The following CNTN6 variants were observed in gnomAD, a reference collection of about 807,000 sequenced individuals.
CNTN6 encodes the protein contactin-6.
Under a neutral mutation model 122.8 loss-of-function variants are expected in CNTN6, and 137 were observed. The ratio of observed to expected loss-of-function variants is 1.12; its 90% CI spans 0.97 to 1.29. The LOEUF (loss-of-function observed/expected upper bound fraction) is 1.29, where lower values mean the gene tolerates loss of function less well. CNTN6 is among the 50% of genes most tolerant of loss of function. The pLI is 0.00. For missense variants in CNTN6, 1,634 were observed against 1,223.4 expected (o/e 1.34, Z -5.01); for synonymous variants, 570 against 426.0 (o/e 1.34, Z -4.16).
chr3:1,153,400 T>G (rs2092892289), intron 2 of CNTN6, among the ~76,000 whole-genome samples: 1 of 151,540 alleles, frequency 6.6e-6, no homozygotes, highest in Non-Finnish European at 1.5e-5. Context: ...AATAAGTCTT[T>G]GCAGCCATCA....
At position 1,256,363 on chromosome 3, in the gene CNTN6, C is replaced by A. The variant is rs954418154; in HGVS notation, c.359-22050C>A. 2.6e-5 allele frequency among the ~76,000 whole-genome samples: 4 copies of A among 152,020 alleles called. No homozygotes were observed. The South Asian group carries it at 8.3e-4, about 32-fold the overall frequency. The stretch of plus-strand genomic sequence containing the variant: ...TGATTGAGAAATTTTGGATGTTAAA[C>A]CAATAATATTTGCTATGAGGTGGGA... On this transcript the variant is annotated intron_variant, in intron 4 of 22. Coordinates refer to ENST00000446702, the MANE Select transcript of CNTN6 (RefSeq NM_001289080.2).
At chr3:1,116,504 A>C (rs573520101) in intron 1 of CNTN6, among the ~76,000 whole-genome samples, 2 of 152,276 alleles carry the variant, frequency 1.3e-5, no homozygotes, top group African/African-American at 4.8e-5. Flanking sequence ...TGAAAATGTG[A>C]TCATACTATT....
intron 12 of CNTN6, among the ~76,000 whole-genome samples, chr3:1,358,461 T>G (rs1305982195): frequency 2.0e-5 from 3 of 150,084 alleles, no homozygotes; most frequent in Non-Finnish European, 4.4e-5. Flanking sequence ...TAGGGCCATT[T>G]TTTTTTTTTT....
At chr3:1,158,852 A>ATG (rs1559422274) in intron 2 of CNTN6, among the ~76,000 whole-genome samples, 57 of 29,844 alleles carry the variant, frequency 1.9e-3, no homozygotes, top group African/African-American at 3.4e-3. Context: ...ATATATACAT[A>ATG]CATATATATA....
In CNTN6 at chr3:1,245,599, GA is replaced by G; in HGVS notation, c.358+17607del. Among the ~76,000 whole-genome samples, 3 of 151,006 alleles carry G rather than the reference GA, an allele frequency of 2.0e-5. No individual in the cohort carries two copies. In the South Asian group the frequency reaches 6.3e-4, roughly 32 times the overall value. ...TGGGTACAGTGTACGTGGCTCAGGT[GA>G]CGGGTACGCCAAAATCTCAGAAATC... is the stretch of plus-strand genomic sequence containing the variant. On this transcript the variant is annotated intron_variant, in intron 4 of 22. Coordinates refer to ENST00000446702, the MANE Select transcript of CNTN6 (RefSeq NM_001289080.2).
chr3:1,373,696 C>A lies in CNTN6; in HGVS notation c.1879C>A (p.Pro627Thr). The change falls in exon 15 of 23, where the codon CCC becomes ACC. Residue 627 changes from proline to threonine, a missense_variant. Transcript: ENST00000446702. The stretch of plus-strand genomic sequence containing the variant: ...GAGAGCAGGCCCAGATAATAACAGT[C>A]CCATTCAAATATTTACTATTCAGAC... The part of the protein sequence containing the change: ...SWRAGPDNNS[P>T]IQIFTIQTRT... The A allele has an allele frequency of 6.2e-7, 1 of 1,613,010 alleles. No individual in the cohort carries two copies. Among genetic ancestry groups the A allele is most frequent in the Non-Finnish European group, 8.5e-7 (1 of 1,179,338 alleles).
rs567042102 is a variant in CNTN6 at position 1,218,268 on chromosome 3, G to A, written c.56-2419G>A. On this transcript the variant is annotated intron_variant, in intron 2 of 22. Coordinates refer to ENST00000446702, the MANE Select transcript of CNTN6 (RefSeq NM_001289080.2). ...TTAGGGGAGGGTGTTGAAGGCAGAA[G>A]CCTGGAGTCTGGTGTTGGAGCCAAG... Among the ~76,000 whole-genome samples the A allele has an allele frequency of 2.0e-5, 3 of 152,244 alleles. No homozygotes were observed. The South Asian group carries it at 6.2e-4, about 32-fold the overall frequency.
chr3:1,154,430 T>TTTTCA (rs1284698960), intron 2 of CNTN6, among the ~76,000 whole-genome samples: 7 of 144,102 alleles, frequency 4.9e-5, no homozygotes, highest in African/African-American at 5.6e-5. Context: ...TTCATAATAT[T>TTTTCA]TTTCTTTTCT....
intron 2 of CNTN6, among the ~76,000 whole-genome samples, chr3:1,149,016 T>C (rs1055963938): frequency 3.3e-5 from 5 of 152,172 alleles, no homozygotes; most frequent in Admixed American, 1.3e-4. Context: ...TGTGAGTTAT[T>C]TTGACAATTA....
chr3:1,153,128 T>C (rs1207182728), intron 2 of CNTN6, among the ~76,000 whole-genome samples: 1 of 152,226 alleles, frequency 6.6e-6, no homozygotes, highest in Non-Finnish European at 1.5e-5. Context: ...CTTTTATATG[T>C]ATTTTATGAA....
chr3:1,377,549 C>T (rs1016175882), intron 17 of CNTN6, among the ~76,000 whole-genome samples: 1 of 152,278 alleles, frequency 6.6e-6, no homozygotes, highest in African/African-American at 2.4e-5. Context: ...TACCCATTAA[C>T]ATACAGGCTC....
chr3:1,350,464 C>T (rs556927521), intron 11 of CNTN6, among the ~76,000 whole-genome samples: 2 of 151,800 alleles, frequency 1.3e-5, no homozygotes, highest in Non-Finnish European at 2.9e-5. Context: ...TCTTAGTTTG[C>T]TCTCTCAGTA....
chr3:1,357,349 G>A (rs983254234), intron 12 of CNTN6, among the ~76,000 whole-genome samples: 4 of 151,788 alleles, frequency 2.6e-5, no homozygotes, highest in African/African-American at 9.7e-5. Context: ...ACTAACTAAC[G>A]TGGAACTTGA....
intron 7 of CNTN6, 29 bp downstream of exon 7, chr3:1,298,020 C>T: frequency 7.1e-7 from 1 of 1,406,832 alleles, no homozygotes; most frequent in African/African-American, 1.6e-5. Flanking sequence ...TTTTTGTTTT[C>T]CTGGTTGCAT....
At chr3:1,358,132 C>G (rs1319335001) in intron 12 of CNTN6, among the ~76,000 whole-genome samples, 1 of 151,756 alleles carries the variant, frequency 6.6e-6, no homozygotes, top group Non-Finnish European at 1.5e-5. Flanking sequence ...GTCATTCATA[C>G]AGTATAAACC....
intron 2 of CNTN6, among the ~76,000 whole-genome samples, chr3:1,170,397 A>C (rs1482091853): frequency 6.6e-6 from 1 of 152,152 alleles, no homozygotes; most frequent in Non-Finnish European, 1.5e-5. Context: ...ACGTAAGCTA[A>C]AGACCCACAG....
At chr3:1,151,983 T>TA (rs1441917537) in intron 2 of CNTN6, among the ~76,000 whole-genome samples, 1 of 152,032 alleles carries the variant, frequency 6.6e-6, no homozygotes, top group Non-Finnish European at 1.5e-5. Context: ...CTACATTTCT[T>TA]AAAGTAGAAA....
chr3:1,170,804 A>T (rs1251404892), intron 2 of CNTN6, among the ~76,000 whole-genome samples: 1 of 152,144 alleles, frequency 6.6e-6, no homozygotes, highest in East Asian at 1.9e-4. Flanking sequence ...CTGGGTACCA[A>T]TCCCATCTCT....
At chr3:1,306,021 T>C (rs1309828309) in intron 7 of CNTN6, among the ~76,000 whole-genome samples, 2 of 152,154 alleles carry the variant, frequency 1.3e-5, no homozygotes, top group East Asian at 3.9e-4. Context: ...AAGATGAAAA[T>C]AACATTTTTA....
Sources: allele counts gnomAD v4.1 joint callset (sites outside exome capture counted in the v4.1 genomes callset), GRCh38; gene constraint gnomAD v4.1.1; transcripts MANE v1.5; gene names NCBI Gene and HGNC (gene_info 2026-07-23, HGNC 2026-07-21).